Variants in SHISA9 observed in about 807,000 individuals in gnomAD.
SHISA9 encodes shisa family member 9.
A neutral mutation model predicts 38.0 loss-of-function variants in SHISA9; 13 were observed. The ratio of observed to expected loss-of-function variants is 0.34; its 90% CI spans 0.22 to 0.54. The LOEUF (loss-of-function observed/expected upper bound fraction) is 0.54. Among genes scored for constraint, SHISA9 ranks in the 20% least tolerant of loss-of-function variants. SHISA9 has a pLI of 0.91. For synonymous variants in SHISA9, 275 were observed against 242.0 expected (o/e 1.14, Z -1.27); for missense variants, 538 against 575.8 (o/e 0.93, Z 0.67).
intron 2 of SHISA9, among the ~76,000 whole-genome samples, chr16:13,154,296 A>G (rs1168711613): frequency 2.0e-5 from 3 of 152,190 alleles, no homozygotes; most frequent in African/African-American, 4.8e-5. Flanking sequence ...CCCAAGCACA[A>G]GAGAATTTCC....
chr16:13,487,871 C>G, the SHISA9 span, among the ~76,000 whole-genome samples: 24 of 152,236 alleles, frequency 1.6e-4, no homozygotes, highest in Non-Finnish European at 3.1e-4. Context: ...TGCATTTGGG[C>G]CAAGACAGTT....
chr16:13,252,823 A>G, the SHISA9 span, among the ~76,000 whole-genome samples: 1 of 152,194 alleles, frequency 6.6e-6, no homozygotes, highest in Admixed American at 6.5e-5. Flanking sequence ...TAGGCATTCA[A>G]TAAATATTTG....
At chr16:13,373,320 T>C in the SHISA9 span, among the ~76,000 whole-genome samples, 3 of 152,242 alleles carry the variant, frequency 2.0e-5, no homozygotes, top group Non-Finnish European at 4.4e-5. Flanking sequence ...TAGTATGCTC[T>C]ATCTACAAAT....
intron 2 of SHISA9, among the ~76,000 whole-genome samples, chr16:12,928,873 C>A (rs961180753): frequency 6.6e-6 from 1 of 152,170 alleles, no homozygotes; most frequent in Non-Finnish European, 1.5e-5. Flanking sequence ...CTGACAAAGA[C>A]GTTGCATAAG....
intron 2 of SHISA9, among the ~76,000 whole-genome samples, chr16:13,025,910 A>T (rs551732556): frequency 6.6e-6 from 1 of 152,106 alleles, no homozygotes; most frequent in East Asian, 1.9e-4. Flanking sequence ...GGTTCAAGCG[A>T]TTCTCCTGCC....
the SHISA9 span, among the ~76,000 whole-genome samples, chr16:13,381,376 T>C: frequency 6.6e-6 from 1 of 152,198 alleles, no homozygotes; most frequent in Non-Finnish European, 1.5e-5. Context: ...GTGGAGACTC[T>C]GAAGTAATTT....
the SHISA9 span, among the ~76,000 whole-genome samples, chr16:13,526,612 C>T: frequency 6.6e-6 from 1 of 152,178 alleles, no homozygotes; most frequent in Non-Finnish European, 1.5e-5. Flanking sequence ...TCTCGAACCC[C>T]TGATCTCAAG....
At chr16:13,177,315 C>T (rs759518972) in intron 2 of SHISA9, among the ~76,000 whole-genome samples, 16 of 152,108 alleles carry the variant, frequency 1.1e-4, no homozygotes, top group Admixed American at 9.8e-4. Flanking sequence ...CATAGCAATA[C>T]GAAGTTTGGA....
the SHISA9 span, among the ~76,000 whole-genome samples, chr16:13,557,739 C>T: frequency 6.6e-6 from 1 of 152,148 alleles, no homozygotes; most frequent in African/African-American, 2.4e-5. Flanking sequence ...AAACTCCCAG[C>T]AATCTCTACC....
At chr16:13,279,787 G>A in the SHISA9 span, among the ~76,000 whole-genome samples, 1 of 151,784 alleles carries the variant, frequency 6.6e-6, no homozygotes, top group African/African-American at 2.4e-5. Context: ...TTGGATGTCT[G>A]TTTTCAGGTG....
chr16:13,048,734 T>A (rs979326129), intron 2 of SHISA9, among the ~76,000 whole-genome samples: 1 of 152,200 alleles, frequency 6.6e-6, no homozygotes, highest in African/African-American at 2.4e-5. Context: ...CTTACAGCAT[T>A]TTTTAAAAAG....
At chr16:12,921,786 T>C (rs750372898) in intron 2 of SHISA9, among the ~76,000 whole-genome samples, 6 of 151,906 alleles carry the variant, frequency 3.9e-5, no homozygotes, top group Non-Finnish European at 7.4e-5. Flanking sequence ...AATTAAAAAT[T>C]TTGAGGGAAT....
At chr16:13,167,072 C>CTTTTTT (rs11372669) in intron 2 of SHISA9, among the ~76,000 whole-genome samples, 1 of 124,430 alleles carries the variant, frequency 8.0e-6, no homozygotes. Flanking sequence ...TCTCTTTTTT[C>CTTTTTT]TTTTTTTTTT....
chr16:13,148,021 T>A (rs1278860739), intron 2 of SHISA9, among the ~76,000 whole-genome samples: 2 of 152,128 alleles, frequency 1.3e-5, no homozygotes, highest in Non-Finnish European at 2.9e-5. Context: ...TGCAAATATG[T>A]TGAAGAAGGA....
chr16:13,194,146 C>T (rs2050914625), intron 2 of SHISA9, among the ~76,000 whole-genome samples: 1 of 152,022 alleles, frequency 6.6e-6, no homozygotes, highest in African/African-American at 2.4e-5. Flanking sequence ...CCTCTCTGGT[C>T]CATTCTTGTA....
At chr16:12,942,087 A>G (rs890092384) in intron 2 of SHISA9, among the ~76,000 whole-genome samples, 3 of 152,182 alleles carry the variant, frequency 2.0e-5, no homozygotes, top group African/African-American at 7.2e-5. Context: ...CCTGATGGTA[A>G]TGTGAGATCC....
At chr16:13,380,304 A>T in the SHISA9 span, among the ~76,000 whole-genome samples, 1 of 152,246 alleles carries the variant, frequency 6.6e-6, no homozygotes, top group East Asian at 1.9e-4. Flanking sequence ...TGAAAAAAGC[A>T]GTCAAATCAG....
chr16:13,279,768 C>G, the SHISA9 span, among the ~76,000 whole-genome samples: 2 of 151,710 alleles, frequency 1.3e-5, no homozygotes, highest in Admixed American at 1.3e-4. Flanking sequence ...AGTATTTGGT[C>G]CATTTGTTTT....
chr16:13,292,294 G>A, the SHISA9 span, among the ~76,000 whole-genome samples: 35 of 152,070 alleles, frequency 2.3e-4, no homozygotes, highest in African/African-American at 8.2e-4. Context: ...CTAACATAGT[G>A]TTTTTAAAAT....
Sources: allele counts gnomAD v4.1 joint callset (sites outside exome capture counted in the v4.1 genomes callset), GRCh38; gene constraint gnomAD v4.1.1; transcripts MANE v1.5; gene names NCBI Gene and HGNC (gene_info 2026-07-23, HGNC 2026-07-21).